FCHSD2: variants seen among roughly 807,000 people sequenced by gnomAD.
FCHSD2 encodes FCH and double SH3 domains 2, also known as F-BAR and double SH3 domains protein 2.
In FCHSD2, 38 loss-of-function variants were observed where a neutral mutation model predicts 108.1. The ratio of observed to expected loss-of-function variants is 0.35; its 90% confidence interval spans 0.27 to 0.46. FCHSD2 has a LOEUF of 0.46. Among genes scored for constraint, FCHSD2 ranks in the 20% least tolerant of loss-of-function variants. The pLI is 1.00. For synonymous variants in FCHSD2, 279 were observed against 314.7 expected (o/e 0.89, Z 1.20); for missense variants, 751 against 897.8 (o/e 0.84, Z 2.09).
chr11:73,140,631 T>A (rs1194920569), intron 1 of FCHSD2, among the ~76,000 whole-genome samples: 1 of 152,206 alleles, frequency 6.6e-6, no homozygotes, highest in African/African-American at 2.4e-5. Context: ...AAGCACACTG[T>A]CTCAGAATGA....
chr11:73,012,955 T>C (rs1214174441), intron 4 of FCHSD2, among the ~76,000 whole-genome samples: 1 of 152,206 alleles, frequency 6.6e-6, no homozygotes, highest in Non-Finnish European at 1.5e-5. Context: ...GGTTCAAATA[T>C]GAGATGATGA....
intron 12 of FCHSD2, among the ~76,000 whole-genome samples, chr11:72,880,940 C>G (rs569861872): frequency 2.7e-5 from 4 of 149,902 alleles, no homozygotes; most frequent in Admixed American, 6.7e-5. Flanking sequence ...TACAAGAAAA[C>G]ATAGGGGAAA....
intron 6 of FCHSD2, among the ~76,000 whole-genome samples, chr11:72,988,584 G>T (rs1857353618): frequency 6.6e-6 from 1 of 152,130 alleles, no homozygotes; most frequent in South Asian, 2.1e-4. Context: ...AGGATCACAG[G>T]AATTTCCAAC....
intron 2 of FCHSD2, among the ~76,000 whole-genome samples, chr11:73,129,872 CTTTT>C (rs35445043): frequency 6.4e-5 from 8 of 124,150 alleles, no homozygotes; most frequent in South Asian, 2.6e-4. Context: ...CCTTCATAAT[CTTTT>C]TTTTTTTTTT....
Position 72,949,165 on chromosome 11 carries a change from C to G in FCHSD2, c.706-27215G>C, listed in dbSNP as rs543971757. 7.8e-4 allele frequency among the ~76,000 whole-genome samples: 119 copies of G among 152,008 alleles called. 1 individual carries two copies. Among genetic ancestry groups the G allele is most frequent in the Non-Finnish European group, 1.1e-3 (72 of 67,952 alleles). ...CATTTTTATCACCACAAAAAGAAAC[C>G]TGGCCGGGCGTGGTGGCTCACGCCT... is the stretch of plus-strand genomic sequence containing the variant. On this transcript the variant is annotated intron_variant, in intron 8 of 19. Coordinates refer to ENST00000409418, the MANE Select transcript of FCHSD2 (RefSeq NM_014824.3).
At chr11:72,927,866 G>T (rs1856108479) in intron 8 of FCHSD2, among the ~76,000 whole-genome samples, 1 of 152,160 alleles carries the variant, frequency 6.6e-6, no homozygotes, top group Non-Finnish European at 1.5e-5. Flanking sequence ...TTTTCAACGG[G>T]GAATCACGCT....
chr11:73,070,868 T>C (rs1859420401), intron 3 of FCHSD2, among the ~76,000 whole-genome samples: 1 of 151,984 alleles, frequency 6.6e-6, no homozygotes, highest in Non-Finnish European at 1.5e-5. Flanking sequence ...GTAAAAGCAG[T>C]CTGCTGGAAG....
chr11:72,921,780 T>C lies in FCHSD2; in HGVS notation c.828+48A>G, dbSNP rs772274032. On this transcript the variant is annotated intron_variant, in intron 9 of 19. Transcript: ENST00000409418. The stretch of plus-strand genomic sequence containing the variant: ...ATTTTCTTTGTATGCAGAAATACTT[T>C]AGCTTCTAAGTTGGATAACACTACA... 5.9e-6 allele frequency: 9 copies of C among 1,524,694 alleles called. No homozygotes were observed. In the African/African-American group the frequency reaches 1.1e-4, roughly 19 times the overall value. 94.4% of individuals were successfully genotyped at this position (1,524,694 alleles called of 1,614,324 possible).
chr11:72,931,599 T>C (rs1356257823), intron 8 of FCHSD2, among the ~76,000 whole-genome samples: 1 of 151,662 alleles, frequency 6.6e-6, no homozygotes, highest in Non-Finnish European at 1.5e-5. Flanking sequence ...ACCCCATCTC[T>C]ACTAAAAATA....
At position 72,838,568 on chromosome 11, in the gene FCHSD2, G is replaced by T. The variant is rs1361310921; in HGVS notation, c.*223C>A. The T allele has an allele frequency of 7.0e-6, 4 of 572,734 alleles. No homozygotes were observed. In the Admixed American group the frequency reaches 9.0e-5, roughly 13 times the overall value. 35.5% of individuals were successfully genotyped at this position (572,734 alleles called of 1,614,324 possible). On this transcript the variant is annotated 3_prime_UTR_variant, in exon 20 of 20. Transcript: ENST00000409418. The stretch of plus-strand genomic sequence containing the variant: ...TTGCTCCTAGGGTCCGCTAGGATTT[G>T]TGCTATGGTAGGAGAAATGACATAG...
At chr11:72,839,939 C>T (rs1388314244) in intron 19 of FCHSD2, among the ~76,000 whole-genome samples, 1 of 152,120 alleles carries the variant, frequency 6.6e-6, no homozygotes, top group African/African-American at 2.4e-5. Flanking sequence ...CAGGTGGCGG[C>T]AAGGCTGCAA....
intron 3 of FCHSD2, among the ~76,000 whole-genome samples, chr11:73,056,363 C>T (rs1859025388): frequency 6.6e-6 from 1 of 152,164 alleles, no homozygotes; most frequent in East Asian, 1.9e-4. Flanking sequence ...TTATTTTTTA[C>T]TGCTAGGGAA....
At chr11:72,875,944 C>T (rs1854960260) in intron 12 of FCHSD2, among the ~76,000 whole-genome samples, 1 of 152,198 alleles carries the variant, frequency 6.6e-6, no homozygotes, top group South Asian at 2.1e-4. Context: ...AAGACCCAGC[C>T]ATCACAGCTG....
At chr11:72,978,103 T>C (rs571055176) in intron 8 of FCHSD2, among the ~76,000 whole-genome samples, 65 of 152,054 alleles carry the variant, frequency 4.3e-4, no homozygotes, top group African/African-American at 1.4e-3. Flanking sequence ...TAGGTGGGAA[T>C]TGAACAATGA....
At chr11:72,846,809 T>G (rs1302902776) in intron 14 of FCHSD2, among the ~76,000 whole-genome samples, 1 of 152,180 alleles carries the variant, frequency 6.6e-6, no homozygotes, top group Non-Finnish European at 1.5e-5. Flanking sequence ...ATATGCATAA[T>G]TGAGCTCTTA....
At chr11:73,123,485 A>C (rs1860782630) in intron 2 of FCHSD2, among the ~76,000 whole-genome samples, 1 of 152,226 alleles carries the variant, frequency 6.6e-6, no homozygotes, top group Non-Finnish European at 1.5e-5. Flanking sequence ...CTACCAACGC[A>C]GAATCTTAGG....
chr11:72,856,641 C>T (rs1016042611), intron 13 of FCHSD2, among the ~76,000 whole-genome samples: 2 of 152,194 alleles, frequency 1.3e-5, no homozygotes, highest in Admixed American at 6.5e-5. Context: ...ACTGAAAATT[C>T]TCCACAGCTG....
intron 13 of FCHSD2, among the ~76,000 whole-genome samples, chr11:72,853,751 T>C (rs895897552): frequency 6.6e-6 from 1 of 152,072 alleles, no homozygotes; most frequent in Non-Finnish European, 1.5e-5. Flanking sequence ...ATAAAAAATA[T>C]GTATGCATCA....
chr11:73,096,873 A>T (rs1305622676), intron 2 of FCHSD2, among the ~76,000 whole-genome samples: 2 of 148,944 alleles, frequency 1.3e-5, no homozygotes, highest in African/African-American at 5.0e-5. Context: ...TAGTTTTCTG[A>T]GTCTTTTTAT....
Sources: gnomAD v4.1 joint callset for allele counts (sites outside exome capture counted in the v4.1 genomes callset) on GRCh38, gnomAD v4.1.1 for gene constraint, MANE v1.5 for transcripts, NCBI Gene and HGNC (gene_info 2026-07-23, HGNC 2026-07-21) for gene names.